Variants in LRRTM3 observed in about 807,000 individuals in gnomAD.
LRRTM3 encodes leucine-rich repeat transmembrane neuronal protein 3.
A neutral mutation model predicts 44.7 loss-of-function variants in LRRTM3; 24 were observed. That is an observed-to-expected ratio of 0.54 (90% confidence interval 0.39 to 0.76). The LOEUF is 0.76. Among genes scored for constraint, LRRTM3 ranks in the 30% least tolerant of loss-of-function variants. The pLI is 0.00. For synonymous variants in LRRTM3, 277 were observed against 278.7 expected (o/e 0.99, Z 0.06); for missense variants, 587 against 702.2 (o/e 0.84, Z 1.85).
chr10:66,981,619 T>C lies in LRRTM3; in HGVS notation c.1536+53167T>C, dbSNP rs115675035. 9.6e-3 allele frequency among the ~76,000 whole-genome samples: 1,464 copies of C among 152,336 alleles called. 25 individuals carry two copies. The highest frequency in any genetic ancestry group is 0.034 in the African/African-American group (1,400 of 41,580). ...AGCTGTTTTAATATGGCATCTGTGG[T>C]TAATTTTTAGTACAATATTGCACAT... On this transcript the variant is annotated intron_variant, in intron 2 of 2. Transcript: ENST00000361320.
intron 2 of LRRTM3, among the ~76,000 whole-genome samples, chr10:67,043,608 C>A (rs577752460): frequency 1.3e-5 from 2 of 152,102 alleles, no homozygotes; most frequent in South Asian, 2.1e-4. Flanking sequence ...GTTCAGTCTG[C>A]CAGATCATTA....
intron 2 of LRRTM3, among the ~76,000 whole-genome samples, chr10:67,058,108 T>G (rs1349112029): frequency 6.6e-6 from 1 of 152,190 alleles, no homozygotes; most frequent in East Asian, 1.9e-4. Flanking sequence ...TCTTCACTAT[T>G]ATATCCAATG....
intron 2 of LRRTM3, among the ~76,000 whole-genome samples, chr10:66,973,681 T>G (rs1849857504): frequency 6.6e-6 from 1 of 152,210 alleles, no homozygotes; most frequent in African/African-American, 2.4e-5. Context: ...TGGAGTACAG[T>G]GGTGCGATCT....
intron 2 of LRRTM3, among the ~76,000 whole-genome samples, chr10:67,078,800 G>C (rs1375647426): frequency 6.6e-6 from 1 of 152,132 alleles, no homozygotes; most frequent in Non-Finnish European, 1.5e-5. Context: ...ACAGATGTGA[G>C]CCACCGCACC....
Position 67,007,626 on chromosome 10 carries a change from T to C in LRRTM3, c.1536+79174T>C, listed in dbSNP as rs151068898. 2.7e-3 allele frequency among the ~76,000 whole-genome samples: 410 copies of C among 152,178 alleles called. 1 individual carries two copies. Among genetic ancestry groups the C allele is most frequent in the African/African-American group, 9.0e-3 (376 of 41,548 alleles). On this transcript the variant is annotated intron_variant, in intron 2 of 2. Coordinates refer to ENST00000361320, the MANE Select transcript of LRRTM3 (RefSeq NM_178011.5). Reference sequence around the variant, plus strand: ...AGGTAAAGGCTTTTTTCTGAAACCCTTGCCAGTGTTTCCCTGTAAATGTTA... The same window carrying C: ...AGGTAAAGGCTTTTTTCTGAAACCCCTGCCAGTGTTTCCCTGTAAATGTTA...
chr10:67,000,962 G>A (rs189453988), intron 2 of LRRTM3, among the ~76,000 whole-genome samples: 11 of 152,144 alleles, frequency 7.2e-5, no homozygotes, highest in Middle Eastern at 3.4e-3. Context: ...AATAAAATGC[G>A]AAAGTAGAGA....
At chr10:67,026,668 T>C (rs2133094008) in intron 2 of LRRTM3, among the ~76,000 whole-genome samples, 1 of 152,268 alleles carries the variant, frequency 6.6e-6, no homozygotes, top group Non-Finnish European at 1.5e-5. Flanking sequence ...AACCAATTTC[T>C]TCATAAAGCA....
At chr10:66,936,579 GT>G (rs1847708346) in intron 2 of LRRTM3, among the ~76,000 whole-genome samples, 2 of 152,074 alleles carry the variant, frequency 1.3e-5, no homozygotes, top group Admixed American at 1.3e-4. Context: ...CCAATCAAAT[GT>G]TGATCCTGTC....
At chr10:66,938,406 C>A (rs1847832499) in intron 2 of LRRTM3, among the ~76,000 whole-genome samples, 1 of 151,972 alleles carries the variant, frequency 6.6e-6, no homozygotes, top group Non-Finnish European at 1.5e-5. Context: ...ATATATGTAT[C>A]TTATTCTGTA....
intron 2 of LRRTM3, among the ~76,000 whole-genome samples, chr10:66,996,718 C>T (rs982933636): frequency 4.1e-5 from 6 of 147,080 alleles, no homozygotes; most frequent in Admixed American, 7.0e-5. Flanking sequence ...TTAATTAGCG[C>T]CTATGCAGTT....
chr10:67,025,307 T>G (rs574485470), intron 2 of LRRTM3, among the ~76,000 whole-genome samples: 80 of 151,594 alleles, frequency 5.3e-4, no homozygotes, highest in African/African-American at 1.8e-3. Context: ...GATTAGCTCA[T>G]AAGCCTATTT....
intron 2 of LRRTM3, among the ~76,000 whole-genome samples, chr10:67,082,666 T>C (rs559852407): frequency 3.3e-5 from 5 of 152,320 alleles, no homozygotes; most frequent in African/African-American, 1.2e-4. Flanking sequence ...TAGGAATATG[T>C]TATTTCCAAG....
intron 2 of LRRTM3, among the ~76,000 whole-genome samples, chr10:66,978,552 A>AATAAAAAAAAAAAAAATATATATATAT (rs1850215873): frequency 2.6e-5 from 1 of 37,866 alleles, no homozygotes; most frequent in Admixed American, 4.9e-4. Flanking sequence ...AAAAAAAAAA[A>AATAAAAAAAAAAAAAATATATATATAT]ATATATATAT....
In LRRTM3 at chr10:67,100,436, G is replaced by A. The variant is rs1172942641; in HGVS notation, c.*2640G>A. Among the ~76,000 whole-genome samples, 1 of 151,610 alleles carries A rather than the reference G, an allele frequency of 6.6e-6. No homozygotes were observed. The highest frequency in any genetic ancestry group is 2.4e-5 in the African/African-American group (1 of 41,334). On this transcript the variant is annotated 3_prime_UTR_variant, in exon 3 of 3. Transcript: ENST00000361320. The stretch of plus-strand genomic sequence containing the variant: ...TTGCCATGTCCAGGTTAAGGGTGAG[G>A]GTGGTGACAATCTGAAAGACTGTGT...
At position 66,927,431 on chromosome 10, in the gene LRRTM3, T is replaced by A; in HGVS notation, c.515T>A (p.Ile172Asn). Residue 172 changes from isoleucine to asparagine, a missense_variant, in exon 2 of 3, where the codon ATC becomes AAC. This residue lies in a region of LRRTM3 where 222 missense variants were observed against 323.3 expected (regional missense o/e 0.69). Transcript: ENST00000361320. This position sits in a 1 kb window ranked among gnomAD's most constrained non-coding sequence, Gnocchi z 4.7. ...TTACGGTCTAACTCCCTGAGAACCA[T>A]CCCTGTGCGAATATTCCAAGACTGC... Reference protein sequence around the residue: ...LHLRSNSLRTIPVRIFQDCRN... With the variant: ...LHLRSNSLRTNPVRIFQDCRN... 1 of 1,614,144 alleles carries A rather than the reference T, an allele frequency of 6.2e-7. No homozygotes were observed. The highest frequency in any genetic ancestry group is 8.5e-7 in the Non-Finnish European group (1 of 1,180,032).
intron 2 of LRRTM3, among the ~76,000 whole-genome samples, chr10:67,072,642 T>C (rs1564871952): frequency 6.6e-6 from 1 of 152,178 alleles, no homozygotes; most frequent in Non-Finnish European, 1.5e-5. Flanking sequence ...TATCTATACT[T>C]GTAAGCCATG....
chr10:67,033,455 G>A (rs1447692320), intron 2 of LRRTM3, among the ~76,000 whole-genome samples: 1 of 152,080 alleles, frequency 6.6e-6, no homozygotes, highest in African/African-American at 2.4e-5. Context: ...TCAATACTTG[G>A]TCAGAAAAAA....
At chr10:66,937,130 C>G (rs1847752493) in intron 2 of LRRTM3, among the ~76,000 whole-genome samples, 1 of 151,936 alleles carries the variant, frequency 6.6e-6, no homozygotes, top group South Asian at 2.1e-4. Flanking sequence ...AGTCTTTCTC[C>G]TTAAATTTTT....
At chr10:66,937,369 A>G (rs201132207) in intron 2 of LRRTM3, among the ~76,000 whole-genome samples, 3 of 152,186 alleles carry the variant, frequency 2.0e-5, no homozygotes, top group East Asian at 3.8e-4. Flanking sequence ...ATACTCATAA[A>G]GATCCTATGA....
Sources: allele counts gnomAD v4.1 joint callset (sites outside exome capture counted in the v4.1 genomes callset), GRCh38; gene constraint gnomAD v4.1.1; regional missense constraint gnomAD v4.1.1; non-coding constraint Gnocchi (gnomAD v3.1); transcripts MANE v1.5; gene names NCBI Gene and HGNC (gene_info 2026-07-23, HGNC 2026-07-21).